Variants in BMPR2 observed in about 807,000 individuals in gnomAD.
The protein encoded by BMPR2 is bone morphogenetic protein receptor type-2.
In BMPR2, 29 loss-of-function variants were observed where a neutral mutation model predicts 100.8. The observed-to-expected ratio is 0.29, with a 90% confidence interval of 0.21 to 0.39. The LOEUF is 0.39. BMPR2 is among the 10% of genes least tolerant of loss of function. The pLI is 1.00. For missense variants in BMPR2, 1,011 were observed against 1,274.5 expected (o/e 0.79, Z 3.15); for synonymous variants, 382 against 442.3 (o/e 0.86, Z 1.71).
In BMPR2 at chr2:202,403,177, TTCCCCTCCCCTCCCC is replaced by T. The variant is rs532457281; in HGVS notation, c.76+25646_76+25660del. Among the ~76,000 whole-genome samples, 109 of 111,110 alleles carry T rather than the reference TTCCCCTCCCCTCCCC, an allele frequency of 9.8e-4. 1 individual carries two copies. The highest frequency in any genetic ancestry group is 3.4e-3 in the African/African-American group (99 of 29,546). 72.9% of individuals were successfully genotyped at this position (111,110 alleles called of 152,430 possible). On this transcript the variant is annotated intron_variant, in intron 1 of 12. Coordinates refer to ENST00000374580, the MANE Select transcript of BMPR2 (RefSeq NM_001204.7). ...GTAGAGATGAACCCTCTCCCTCCCC[TTCCCCTCCCCTCCCC>T]TCCCCTCCCCTCCCCTCCTCTTTTC...
At chr2:202,431,582 A>AT (rs549004659) in intron 1 of BMPR2, among the ~76,000 whole-genome samples, 19 of 150,632 alleles carry the variant, frequency 1.3e-4, no homozygotes, top group Non-Finnish European at 2.8e-4. Flanking sequence ...GGTTTGTAAG[A>AT]TTGTAATATT....
intron 9 of BMPR2, among the ~76,000 whole-genome samples, chr2:202,541,248 C>G (rs1179776136): frequency 6.6e-6 from 1 of 151,946 alleles, no homozygotes; most frequent in African/African-American, 2.4e-5. Context: ...TGAGACCAGC[C>G]TGGGCAACAC....
chr2:202,557,352 T>C (rs914125412), intron 12 of BMPR2, among the ~76,000 whole-genome samples: 2 of 152,076 alleles, frequency 1.3e-5, no homozygotes, highest in Non-Finnish European at 1.5e-5. Context: ...TAATCCCAGC[T>C]ACTCGGAAGG....
At chr2:202,545,588 G>A (rs941124344) in intron 10 of BMPR2, among the ~76,000 whole-genome samples, 1 of 151,992 alleles carries the variant, frequency 6.6e-6, no homozygotes, top group African/African-American at 2.4e-5. Flanking sequence ...TTCCATTTTG[G>A]ATCCTGATTT....
At chr2:202,380,613 T>C (rs1201795146) in intron 1 of BMPR2, among the ~76,000 whole-genome samples, 4 of 151,508 alleles carry the variant, frequency 2.6e-5, no homozygotes, top group Admixed American at 6.6e-5. Flanking sequence ...CAGTCCTGAT[T>C]GTTTGGATTT....
chr2:202,491,321 T>TA (rs1407457573), intron 3 of BMPR2, among the ~76,000 whole-genome samples: 1 of 152,192 alleles, frequency 6.6e-6, no homozygotes, highest in African/African-American at 2.4e-5. Flanking sequence ...GCTCCCAAAG[T>TA]ACTGAGATTG....
chr2:202,457,559 TATAGAGAGAG>T (rs1291000308), intron 1 of BMPR2, among the ~76,000 whole-genome samples: 1,654 of 89,024 alleles, frequency 0.019, 21 homozygotes, highest in African/African-American at 0.078. Context: ...TATATATATA[TATAGAGAGAG>T]AGAGAGAGAG....
At chr2:202,473,500 C>A (rs989076409) in intron 3 of BMPR2, among the ~76,000 whole-genome samples, 12 of 151,850 alleles carry the variant, frequency 7.9e-5, no homozygotes, top group Admixed American at 5.3e-4. Context: ...TTTAAAATTA[C>A]AAAAAACTGG....
chr2:202,512,060 A>G (rs578094719), intron 3 of BMPR2, among the ~76,000 whole-genome samples: 1 of 152,124 alleles, frequency 6.6e-6, no homozygotes, highest in African/African-American at 2.4e-5. Context: ...AATATAATAA[A>G]TGGTCTGCAA....
intron 1 of BMPR2, among the ~76,000 whole-genome samples, chr2:202,444,033 G>C (rs914238140): frequency 4.0e-5 from 6 of 150,648 alleles, no homozygotes; most frequent in Non-Finnish European, 7.3e-5. Flanking sequence ...ACCGGTTGTA[G>C]TGACAACCAA....
chr2:202,412,976 T>C (rs1691044372), intron 1 of BMPR2, among the ~76,000 whole-genome samples: 1 of 152,208 alleles, frequency 6.6e-6, no homozygotes, highest in South Asian at 2.1e-4. Flanking sequence ...GGATTCCATA[T>C]TTGTAAATGT....
Position 202,531,920 on chromosome 2 carries a change from G to T in BMPR2, c.1129-665G>T, listed in dbSNP as rs13405057. Among the ~76,000 whole-genome samples the T allele has an allele frequency of 7.3e-3, 900 of 122,524 alleles. 12 individuals carry two copies. The highest frequency in any genetic ancestry group is 0.026 in the African/African-American group (839 of 32,702). 80.4% of individuals were successfully genotyped at this position (122,524 alleles called of 152,430 possible). A position where few individuals can be genotyped will look rare whatever the true frequency, so the allele number is the denominator to read the frequency against. On this transcript the variant is annotated intron_variant, in intron 8 of 12. Coordinates refer to ENST00000374580, the MANE Select transcript of BMPR2 (RefSeq NM_001204.7). ...TGCAATTACAAGTGTGAGCCACCAC[G>T]CCCAGCTGTATTTTTTTTTTTTTTT...
chr2:202,411,394 G>A (rs1691010420), intron 1 of BMPR2, among the ~76,000 whole-genome samples: 1 of 152,174 alleles, frequency 6.6e-6, no homozygotes, highest in African/African-American at 2.4e-5. Context: ...GTAGAAAAAA[G>A]CTGAAGAAGG....
chr2:202,532,725 C>T lies in BMPR2; in HGVS notation c.1269C>T (p.Leu423=), dbSNP rs773994477. 6.2e-7 allele frequency: 1 copy of T among 1,612,470 alleles called. No homozygotes were observed. Among genetic ancestry groups the T allele is most frequent in the Non-Finnish European group, 8.5e-7 (1 of 1,179,890 alleles). ...AGATATTTATGAGATGTACAGACCT[C>T]TTCCCAGGTAAAAACTACTGTCAAA... ...YWEIFMRCTD[L]FPGESVPEYQ... is the part of the protein sequence containing the mutation. Residue 423 remains leucine, a synonymous_variant, in exon 9 of 13, where the codon CTC becomes CTT. Coordinates refer to ENST00000374580, the MANE Select transcript of BMPR2 (RefSeq NM_001204.7). The surrounding 1 kb of genome is among the most constrained non-coding windows in gnomAD (Gnocchi z 4.1).
intron 10 of BMPR2, among the ~76,000 whole-genome samples, chr2:202,547,188 T>C (rs1688390784): frequency 6.6e-6 from 1 of 152,196 alleles, no homozygotes; most frequent in Non-Finnish European, 1.5e-5. Flanking sequence ...TTTTCAGGTA[T>C]AATTTGTTTA....
At chr2:202,426,225 C>G (rs1249078746) in intron 1 of BMPR2, among the ~76,000 whole-genome samples, 1 of 152,092 alleles carries the variant, frequency 6.6e-6, no homozygotes, top group Non-Finnish European at 1.5e-5. Context: ...AAATAGAACA[C>G]GAGCAAGAAA....
chr2:202,552,889 G>T lies in BMPR2; in HGVS notation c.1586+1G>T, dbSNP rs766972239. 1.2e-6 allele frequency: 2 copies of T among 1,614,186 alleles called. No individual in the cohort carries two copies. Among genetic ancestry groups the T allele is most frequent in the Non-Finnish European group, 1.7e-6 (2 of 1,180,020 alleles). On this transcript the variant is annotated splice_donor_variant, in intron 11 of 12. Transcript: ENST00000374580. LOFTEE classifies it high-confidence loss of function. Reference sequence around the variant, plus strand: ...TGTCTACTGCTATGCAGAATGAACGGTAAGACCCTAAGGGGTGTGGCATCT... The same window carrying T: ...TGTCTACTGCTATGCAGAATGAACGTTAAGACCCTAAGGGGTGTGGCATCT...
intron 1 of BMPR2, among the ~76,000 whole-genome samples, chr2:202,427,663 C>T (rs1370198002): frequency 6.6e-6 from 1 of 151,966 alleles, no homozygotes; most frequent in Non-Finnish European, 1.5e-5. Context: ...TGTATTATGC[C>T]TCTACTGCAC....
chr2:202,418,907 CAGCT>C (rs1691197020), intron 1 of BMPR2, among the ~76,000 whole-genome samples: 1 of 152,220 alleles, frequency 6.6e-6, no homozygotes, highest in Non-Finnish European at 1.5e-5. Flanking sequence ...TCCCAAGAGA[CAGCT>C]TTGTAGGCTA....
Sources: gnomAD v4.1 joint callset for allele counts (sites outside exome capture counted in the v4.1 genomes callset) on GRCh38, gnomAD v4.1.1 for gene constraint, Gnocchi (gnomAD v3.1) non-coding constraint, MANE v1.5 for transcripts, NCBI Gene and HGNC (gene_info 2026-07-23, HGNC 2026-07-21) for gene names.